The following ABCB11 variants were observed in gnomAD, a reference collection of about 807,000 sequenced individuals.
ABCB11 encodes ATP binding cassette subfamily B member 11, also known as bile salt export pump.
A neutral mutation model predicts 148.0 loss-of-function variants in ABCB11; 95 were observed. That is an observed-to-expected ratio of 0.64 (90% CI 0.54 to 0.76). The LOEUF is 0.76. ABCB11 is among the 30% of genes least tolerant of loss of function. ABCB11 has a pLI of 0.00. For synonymous variants in ABCB11, 591 were observed against 555.4 expected, an observed-to-expected ratio of 1.06 and a Z score of -0.90; for missense variants, 1,523 against 1,617.8, an observed-to-expected ratio of 0.94 and a Z score of 1.01.
At chr2:168,918,736 GGAAGA>G (rs1211779111), downstream of ABCB11, among the ~76,000 whole-genome samples, 3 of 152,124 alleles carry the variant, frequency 2.0e-5, no homozygotes, top group Non-Finnish European at 4.4e-5. Context: ...GAACAATGCA[GGAAGA>G]GAAAAGTGTG....
chr2:168,921,175 T>G lies in ABCB11; in HGVS notation c.*2447A>C, dbSNP rs1259231329. Among the ~76,000 whole-genome samples the G allele has an allele frequency of 6.6e-6, 1 of 152,240 alleles. No homozygotes were observed. Among genetic ancestry groups the G allele is most frequent in the African/African-American group, 2.4e-5 (1 of 41,456 alleles). On this transcript the variant is annotated 3_prime_UTR_variant, in exon 28 of 28. Coordinates refer to ENST00000650372, the MANE Select transcript of ABCB11 (RefSeq NM_003742.4). ...ATTTTTCATAACCAGAATGCATTCC[T>G]TCACCGTCTGCCTCCTGACTTGGCA...
chr2:169,024,288 T>C (rs1006209052), intron 1 of ABCB11, among the ~76,000 whole-genome samples: 2 of 152,214 alleles, frequency 1.3e-5, no homozygotes, highest in Admixed American at 6.5e-5. Flanking sequence ...ATGGAGGCAC[T>C]ATGCACCATC....
At chr2:169,004,830 C>T (rs910308609) in intron 5 of ABCB11, among the ~76,000 whole-genome samples, 1 of 152,102 alleles carries the variant, frequency 6.6e-6, no homozygotes, top group Non-Finnish European at 1.5e-5. Context: ...ATTCTTTTGT[C>T]TCATGGTGTG....
chr2:169,021,900 AT>A (rs1291125899), intron 1 of ABCB11, among the ~76,000 whole-genome samples: 3 of 152,040 alleles, frequency 2.0e-5, no homozygotes, highest in African/African-American at 7.2e-5. Context: ...AAAACTATGT[AT>A]TTCTCTATAT....
At chr2:168,924,558 G>C in intron 27 of ABCB11, 99 bp downstream of exon 27, 1 of 1,231,378 alleles carries the variant, frequency 8.1e-7, no homozygotes, top group Non-Finnish European at 1.1e-6. Flanking sequence ...TACTGTTAAC[G>C]AATCAGAAAA....
intron 19 of ABCB11, among the ~76,000 whole-genome samples, chr2:168,957,347 C>T (rs1316523766): frequency 6.6e-6 from 1 of 151,604 alleles, no homozygotes; most frequent in Non-Finnish European, 1.5e-5. Flanking sequence ...ACATAAAATG[C>T]TTAGATATTG....
chr2:168,991,373 C>T (rs939468053), intron 8 of ABCB11, among the ~76,000 whole-genome samples: 37 of 151,970 alleles, frequency 2.4e-4, no homozygotes, highest in Admixed American at 2.2e-3. Flanking sequence ...TGTTGAAAGA[C>T]GATTTCAGAT....
intron 19 of ABCB11, among the ~76,000 whole-genome samples, chr2:168,957,306 C>T (rs1261167814): frequency 2.6e-5 from 4 of 151,632 alleles, no homozygotes; most frequent in South Asian, 4.1e-4. Flanking sequence ...CTACCTTAGA[C>T]GGTTGTTAGT....
chr2:168,932,477 G>T lies in ABCB11; in HGVS notation c.3113C>A (p.Thr1038Asn), dbSNP rs1288008891. 6.2e-7 allele frequency: 1 copy of T among 1,613,562 alleles called. No individual in the cohort carries two copies. The highest frequency in any genetic ancestry group is 8.5e-7 in the Non-Finnish European group (1 of 1,179,718). ...TATTTTAGCTTTTGCATAACTTGGGGTGTAAGAGAAGGCTCTTCCAAGAGC... is the reference window on the plus strand; with the variant it reads ...TATTTTAGCTTTTGCATAACTTGGGTTGTAAGAGAAGGCTCTTCCAAGAGC... ...ATALGRAFSY[T>N]PSYAKAKISA... Residue 1038 changes from threonine to asparagine, a missense_variant, in exon 24 of 28, where the codon ACC (threonine) becomes AAC (asparagine). Coordinates refer to ENST00000650372, the MANE Select transcript of ABCB11 (RefSeq NM_003742.4).
At chr2:168,957,836 C>T (rs943439209) in intron 19 of ABCB11, 128 bp downstream of exon 19, 14 of 950,024 alleles carry the variant, frequency 1.5e-5, no homozygotes, top group South Asian at 7.4e-5. Flanking sequence ...GGAAATTTTT[C>T]ATTCTTTAGA....
chr2:168,965,997 G>C (rs1574442078), intron 17 of ABCB11, among the ~76,000 whole-genome samples: 1 of 151,742 alleles, frequency 6.6e-6, no homozygotes, highest in East Asian at 2.0e-4. Context: ...CTCTTGCCAA[G>C]ACTCATTATG....
rs2106010818 is a variant in ABCB11, at chr2:168,993,837, A to G, written c.657T>C (p.Leu219=). 3 of 1,611,600 alleles carry G rather than the reference A, an allele frequency of 1.9e-6. No homozygotes were observed. The African/African-American group carries it at 4.0e-5, about 22-fold the overall frequency. The change falls in exon 8 of 28, where the codon CTT becomes CTC. Residue 219 remains leucine (L), a synonymous_variant. Coordinates refer to ENST00000650372, the MANE Select transcript of ABCB11 (RefSeq NM_003742.4). ...TGGTCGAGGTCATGCGCTGAATGAA[A>G]AGGGCCATTTGGTCAGCTATGGCAT... ...INDAIADQMA[L]FIQRMTSTIC...
intron 21 of ABCB11, among the ~76,000 whole-genome samples, chr2:168,938,718 G>GA (rs1691936299): frequency 6.6e-6 from 1 of 152,040 alleles, no homozygotes; most frequent in African/African-American, 2.4e-5. Context: ...TTTTAAAAAA[G>GA]AATTTTTGGT....
chr2:168,944,585 T>C lies in ABCB11; in HGVS notation c.2610+20A>G. ...TGCCAATGCAGTTAATATACTTCTA[T>C]TTCCCCTCCCATAGCTCACCCCTTG... On this transcript the variant is annotated intron_variant, in intron 21 of 27. Transcript: ENST00000650372. 1.3e-6 allele frequency: 2 copies of C among 1,572,020 alleles called. No individual in the cohort carries two copies. The highest frequency in any genetic ancestry group is 1.7e-6 in the Non-Finnish European group (2 of 1,161,844).
intron 5 of ABCB11, among the ~76,000 whole-genome samples, chr2:169,007,931 T>A (rs1194627625): frequency 6.6e-6 from 1 of 152,202 alleles, no homozygotes; most frequent in Admixed American, 6.6e-5. Context: ...TACAACTCAA[T>A]AATCAGTAGA....
chr2:168,958,081 C>T lies in ABCB11; in HGVS notation c.2226G>A (p.Arg742=). ...VQEEVEPAPV[R]RILKFSAPEW... ...CTGGAGCACTGAATTTCAGAATCCT[C>T]CTAACTGGGGCAGGTTCAACTTCTT... Residue 742 remains arginine, a synonymous_variant, in exon 19 of 28, where the codon AGG becomes AGA. Transcript: ENST00000650372. 1 of 1,611,260 alleles carries T rather than the reference C, an allele frequency of 6.2e-7. No homozygotes were observed. The highest frequency in any genetic ancestry group is 1.1e-5 in the South Asian group (1 of 90,980).
intron 14 of ABCB11, 57 bp downstream of exon 14, chr2:168,971,790 A>AT: frequency 6.5e-7 from 1 of 1,531,480 alleles, no homozygotes; most frequent in East Asian, 2.3e-5. Context: ...TAATTGTGCA[A>AT]CTTTTTTTCC....
At chr2:168,978,121 G>C (rs1427691058) in intron 11 of ABCB11, among the ~76,000 whole-genome samples, 1 of 126,882 alleles carries the variant, frequency 7.9e-6, no homozygotes, top group African/African-American at 2.9e-5. Flanking sequence ...GGTAGAATTT[G>C]AATAAATTGA....
intron 8 of ABCB11, among the ~76,000 whole-genome samples, chr2:168,991,154 C>T (rs1408931350): frequency 1.3e-5 from 2 of 152,048 alleles, no homozygotes; most frequent in Non-Finnish European, 2.9e-5. Flanking sequence ...AAGTAAGAAC[C>T]TCCTCAAAGA....
Sources: allele counts gnomAD v4.1 joint callset (sites outside exome capture counted in the v4.1 genomes callset), GRCh38; gene constraint gnomAD v4.1.1; transcripts MANE v1.5; gene names NCBI Gene and HGNC (gene_info 2026-07-23, HGNC 2026-07-21).